TRIM11: variants seen among roughly 807,000 people sequenced by gnomAD.
The protein encoded by TRIM11 is E3 ubiquitin-protein ligase TRIM11.
TRIM11 carries 15 observed loss-of-function variants against 33.4 expected under a neutral mutation model. That is an observed-to-expected ratio of 0.45 (90% CI 0.30 to 0.69). The LOEUF (loss-of-function observed/expected upper bound fraction) is 0.69, where lower values mean the gene tolerates loss of function less well. TRIM11 is among the 30% of genes least tolerant of loss of function. The pLI, the probability that TRIM11 is intolerant of heterozygous loss-of-function variation, is 0.08. For synonymous variants in TRIM11, 281 were observed against 302.6 expected, an observed-to-expected ratio of 0.93 and a Z score of 0.74; for missense variants, 499 against 667.6, an observed-to-expected ratio of 0.75 and a Z score of 2.78.
chr1:228,397,936 T>TA (rs1285899730), intron 3 of TRIM11, among the ~76,000 whole-genome samples: 1 of 152,150 alleles, frequency 6.6e-6, no homozygotes, highest in Non-Finnish European at 1.5e-5. Context: ...GCCCAAGAGA[T>TA]AGGCCTCAGG....
intron 5 of TRIM11, chr1:228,396,295 T>G: frequency 4.4e-6 from 1 of 225,050 alleles, no homozygotes; most frequent in Non-Finnish European, 8.8e-6. Flanking sequence ...AATGATTTAA[T>G]CAATCATAAC....
chr1:228,400,923 A>T lies in TRIM11; in HGVS notation c.735+41T>A. On this transcript the variant is annotated intron_variant, in intron 3 of 5. Coordinates refer to ENST00000284551, the MANE Select transcript of TRIM11 (RefSeq NM_145214.3). This position sits in a 1 kb window ranked among gnomAD's most constrained non-coding sequence, Gnocchi z 4.5. ...CTCCCTCCCCCAGTGTGGCCAGGCC[A>T]TGCCCGTGTGGCCACCATGGCTGCT... 6.7e-7 allele frequency: 1 copy of T among 1,496,760 alleles called. No individual in the cohort carries two copies. Among genetic ancestry groups the T allele is most frequent in the South Asian group, 1.3e-5 (1 of 75,440 alleles). The allele number at this position is 1,496,760 out of a possible 1,614,324, so 92.7% of individuals were successfully genotyped here.
At position 228,400,128 on chromosome 1, in the gene TRIM11, G is replaced by C. The variant is rs1656133883; in HGVS notation, c.735+836C>G. Among the ~76,000 whole-genome samples, 1 of 152,174 alleles carries C rather than the reference G, an allele frequency of 6.6e-6. No homozygotes were observed. The highest frequency in any genetic ancestry group is 2.4e-5 in the African/African-American group (1 of 41,448). Reference sequence around the variant, plus strand: ...CACACACGGCCTCTCTCCTCTGTGGGAGCCAGAATTGCCCAGGGGCCCATT... The same window carrying C: ...CACACACGGCCTCTCTCCTCTGTGGCAGCCAGAATTGCCCAGGGGCCCATT... On this transcript the variant is annotated intron_variant, in intron 3 of 5. Transcript: ENST00000284551. This position sits in a 1 kb window ranked among gnomAD's most constrained non-coding sequence, Gnocchi z 4.5.
intron 3 of TRIM11, among the ~76,000 whole-genome samples, chr1:228,399,518 G>A (rs2075013780): frequency 8.0e-6 from 1 of 124,720 alleles, no homozygotes; most frequent in Non-Finnish European, 1.6e-5. Flanking sequence ...CACAAACCCT[G>A]TGGGTCCCCA....
In TRIM11 at chr1:228,406,557, G is replaced by T; in HGVS notation, c.5C>A (p.Ala2Asp). The T allele has an allele frequency of 6.6e-7, 1 of 1,524,242 alleles. No homozygotes were observed. 94.4% of individuals were successfully genotyped at this position (1,524,242 alleles called of 1,614,324 possible). ...GAGGTTGGTGGACAGGTCGGGGGCG[G>T]CCATGGCGCGGACAGAGGGGAGGAA... Reference protein sequence around the residue: MAAPDLSTNLQE... With the variant: MDAPDLSTNLQE... The change falls in exon 1 of 6, where the codon GCC becomes GAC. Residue 2 changes from alanine to aspartate, a missense_variant. Coordinates refer to ENST00000284551, the MANE Select transcript of TRIM11 (RefSeq NM_145214.3). This position sits in a 1 kb window ranked among gnomAD's most constrained non-coding sequence, Gnocchi z 8.2.
Position 228,400,794 on chromosome 1 carries a change from T to C in TRIM11, c.735+170A>G, listed in dbSNP as rs966404526. Among the ~76,000 whole-genome samples, 1 of 152,212 alleles carries C rather than the reference T, an allele frequency of 6.6e-6. No homozygotes were observed. The highest frequency in any genetic ancestry group is 2.4e-5 in the African/African-American group (1 of 41,454). On this transcript the variant is annotated intron_variant, in intron 3 of 5. Coordinates refer to ENST00000284551, the MANE Select transcript of TRIM11 (RefSeq NM_145214.3). This position sits in a 1 kb window ranked among gnomAD's most constrained non-coding sequence, Gnocchi z 4.5. ...TTTGGGGGTGGGACATCTGTCCTGC[T>C]GCTGACTCAGCATTTCACAGGCAAC...
In TRIM11 at chr1:228,402,159, C is replaced by G. The variant is rs777272380; in HGVS notation, c.411G>C (p.Ala137=). The change falls in exon 2 of 6, where the codon GCG becomes GCC. Residue 137 remains alanine (A), a splice_region_variant and synonymous_variant. Coordinates refer to ENST00000284551, the MANE Select transcript of TRIM11 (RefSeq NM_145214.3). ...PLQDAAEDLK[A]KLEKSLEHLR... ...GATGCTCCAGTGACTTCTCCAGCTT[C>G]GCCTGCGGGAGAGGCCAGGCAGGAC... The G allele has an allele frequency of 8.7e-6, 14 of 1,610,902 alleles. No individual in the cohort carries two copies. Among genetic ancestry groups the G allele is most frequent in the Non-Finnish European group, 1.2e-5 (14 of 1,178,468 alleles).
rs2074965849 is a variant in TRIM11, at chr1:228,394,888, C to T, written c.1224G>A (p.Leu408=). 3 of 1,614,044 alleles carry T rather than the reference C, an allele frequency of 1.9e-6. No individual in the cohort carries two copies. Among genetic ancestry groups the T allele is most frequent in the Non-Finnish European group, 2.5e-6 (3 of 1,180,028 alleles). Residue 408 remains leucine, a synonymous_variant, in exon 6 of 6, where the codon CTG becomes CTA. Transcript: ENST00000284551. This position sits in a 1 kb window ranked among gnomAD's most constrained non-coding sequence, Gnocchi z 6.2. ...AAGAGAGATGTCCAGCCTCGTAGTC[C>T]AGAAAGATCCCCACGCGCCTGGGTG... ...RDPPRRVGIF[L]DYEAGHLSFY... is the part of the protein sequence containing the mutation.
At position 228,395,174 on chromosome 1, in the gene TRIM11, T is replaced by TC; in HGVS notation, c.937dup (p.Asp313GlyfsTer14). 6.6e-7 allele frequency: 1 copy of TC among 1,519,904 alleles called. No homozygotes were observed. Among genetic ancestry groups the TC allele is most frequent in the Non-Finnish European group, 8.8e-7 (1 of 1,140,534 alleles). The allele number at this position is 1,519,904 out of a possible 1,614,324, so 94.2% of individuals were successfully genotyped here. A position where few individuals can be genotyped will look rare whatever the true frequency, so the allele number is the denominator to read the frequency against. On this transcript the variant is annotated frameshift_variant, in exon 6 of 6. Coordinates refer to ENST00000284551, the MANE Select transcript of TRIM11 (RefSeq NM_145214.3). LOFTEE classifies it low-confidence loss of function (END_TRUNC). This position sits in a 1 kb window ranked among gnomAD's most constrained non-coding sequence, Gnocchi z 4.8. ...GCTGTCCGGCAGGGCCTGCCGTAGG[T>TC]CCCCCCGCTGCACGCTCCGCCTGTC...
Position 228,401,276 on chromosome 1 carries a change from C to T in TRIM11, c.505-82G>A, listed in dbSNP as rs1656212032. ...CAAGTTTGGTCAGACCCCAAGCCCA[C>T]CCAGAGGCCTGGCTGCACCCAACCC... On this transcript the variant is annotated intron_variant, in intron 2 of 5. Transcript: ENST00000284551. The surrounding 1 kb of genome is among the most constrained non-coding windows in gnomAD (Gnocchi z 6.1). 3.3e-6 allele frequency: 5 copies of T among 1,505,154 alleles called. No homozygotes were observed. Among genetic ancestry groups the T allele is most frequent in the Non-Finnish European group, 3.6e-6 (4 of 1,117,864 alleles). 93.2% of individuals were successfully genotyped at this position (1,505,154 alleles called of 1,614,324 possible). A position where few individuals can be genotyped will look rare whatever the true frequency, so the allele number is the denominator to read the frequency against.
At chr1:228,399,891 C>CAAAAAAAAAAAAAAAAAAAAAA (rs58986540) in intron 3 of TRIM11, among the ~76,000 whole-genome samples, 1 of 92,756 alleles carries the variant, frequency 1.1e-5, no homozygotes. Flanking sequence ...AAAAAAAAAA[C>CAAAAAAAAAAAAAAAAAAAAAA]AAAAAAAAAA....
At chr1:228,397,361 T>A (rs2074995835) in intron 3 of TRIM11, 196 bp from the exon 4 acceptor site, 4 of 648,006 alleles carry the variant, frequency 6.2e-6, no homozygotes, top group Middle Eastern at 4.3e-4. Flanking sequence ...GGCTCTGACA[T>A]GTGTGCCAGG....
rs142662599 is a variant in TRIM11 at position 228,405,939 on chromosome 1, C to T, written c.408+215G>A. 1.8e-3 allele frequency: 828 copies of T among 464,100 alleles called. 5 individuals carry two copies. The highest frequency in any genetic ancestry group is 0.015 in the African/African-American group (752 of 49,146). The allele number at this position is 464,100 out of a possible 1,614,324, so 28.7% of individuals were successfully genotyped here. On this transcript the variant is annotated intron_variant, in intron 1 of 5. Transcript: ENST00000284551. ...TCATTGGCGGCCATGGTCCCAGCCTCAAGGGGCCTGGTTGAAACAGGCTGT... is the reference window on the plus strand; with the variant it reads ...TCATTGGCGGCCATGGTCCCAGCCTTAAGGGGCCTGGTTGAAACAGGCTGT...
intron 1 of TRIM11, 75 bp from the exon 2 acceptor site, chr1:228,402,236 T>C: frequency 9.1e-7 from 1 of 1,101,692 alleles, no homozygotes; most frequent in Non-Finnish European, 1.3e-6. Flanking sequence ...CCTGACACCC[T>C]GTCCCCTCCT....
chr1:228,395,612 T>A lies in TRIM11; in HGVS notation c.860-360A>T. ...ATGGCTCACTGCAGCCTTGATCTCC[T>A]GGGCTCAAATGATCCTCCCGCCTCA... On this transcript the variant is annotated intron_variant, in intron 5 of 5. Coordinates refer to ENST00000284551, the MANE Select transcript of TRIM11 (RefSeq NM_145214.3). This position sits in a 1 kb window ranked among gnomAD's most constrained non-coding sequence, Gnocchi z 4.8. 5.3e-6 allele frequency: 1 copy of A among 187,500 alleles called. No individual in the cohort carries two copies. 11.6% of individuals were successfully genotyped at this position (187,500 alleles called of 1,614,324 possible).
chr1:228,395,219 G>T lies in TRIM11; in HGVS notation c.893C>A (p.Pro298His). The T allele has an allele frequency of 6.7e-7, 1 of 1,482,690 alleles. No homozygotes were observed. Among genetic ancestry groups the T allele is most frequent in the East Asian group, 2.3e-5 (1 of 42,826 alleles). 91.8% of individuals were successfully genotyped at this position (1,482,690 alleles called of 1,614,324 possible). A position where few individuals can be genotyped will look rare whatever the true frequency, so the allele number is the denominator to read the frequency against. The part of the protein sequence containing the change: ...DVTLDPDTAN[P>H]ELILSEDRRS... Reference sequence around the variant, plus strand: ...CCTGTCTTCAGACAGGATCAGCTCAGGGTTGGCGGTGTCCGGGTCCAAGGT... The same window carrying T: ...CCTGTCTTCAGACAGGATCAGCTCATGGTTGGCGGTGTCCGGGTCCAAGGT... Residue 298 changes from proline to histidine, a missense_variant, in exon 6 of 6, where the codon CCT becomes CAT. Transcript: ENST00000284551. The surrounding 1 kb of genome is among the most constrained non-coding windows in gnomAD (Gnocchi z 4.8).
Position 228,397,013 on chromosome 1 carries a change from C to T in TRIM11, c.793G>A (p.Val265Met), listed in dbSNP as rs1224994832. The change falls in exon 5 of 6, where the codon GTG (valine) becomes ATG (methionine). Residue 265 changes from valine to methionine, a missense_variant. By Grantham distance (21) the Val-to-Met change is conservative. Coordinates refer to ENST00000284551, the MANE Select transcript of TRIM11 (RefSeq NM_145214.3). ...CACACGGTCCTCAGCTCCATAGGCA[C>T]AACTTCTGGGGGCTGCAGCTTCACA... ...QDVKLQPPEV[V>M]PMELRTVCRV... 6.2e-7 allele frequency: 1 copy of T among 1,613,958 alleles called. No individual in the cohort carries two copies. Among genetic ancestry groups the T allele is most frequent in the Non-Finnish European group, 8.5e-7 (1 of 1,180,002 alleles).
chr1:228,399,751 G>A (rs967338427), intron 3 of TRIM11, among the ~76,000 whole-genome samples: 5 of 152,026 alleles, frequency 3.3e-5, no homozygotes, highest in African/African-American at 1.2e-4. Context: ...CCAAGCTGGT[G>A]CACGCGGCAC....
Position 228,394,746 on chromosome 1 carries a change from G to A in TRIM11, c.1366C>T (p.Arg456Trp), listed in dbSNP as rs770960171. 1.5e-5 allele frequency: 24 copies of A among 1,612,306 alleles called. No homozygotes were observed. Among genetic ancestry groups the A allele is most frequent in the African/African-American group, 2.7e-5 (2 of 74,884 alleles). Residue 456 changes from arginine to tryptophan, a missense_variant, in exon 6 of 6, where the codon CGG (arginine) becomes TGG (tryptophan). By Grantham distance (101) the Arg-to-Trp change is moderately radical. Coordinates refer to ENST00000284551, the MANE Select transcript of TRIM11 (RefSeq NM_145214.3). This position sits in a 1 kb window ranked among gnomAD's most constrained non-coding sequence, Gnocchi z 6.2. The part of the protein sequence containing the change: ...SSSPTPMTIC[R>W]PKGGSGDTLA... ...GTGTCCCCGGACCCACCTTTCGGCC[G>A]GCAGATAGTCATCGGGGTCGGGCTG...
Sources: gnomAD v4.1 joint callset for allele counts (sites outside exome capture counted in the v4.1 genomes callset) on GRCh38, gnomAD v4.1.1 for gene constraint, Gnocchi (gnomAD v3.1) non-coding constraint, MANE v1.5 for transcripts, NCBI Gene and HGNC (gene_info 2026-07-23, HGNC 2026-07-21) for gene names.